CFAP46: variants seen among roughly 807,000 people sequenced by gnomAD.
CFAP46 encodes the protein cilia and flagella associated protein 46, also known as cilia- and flagella-associated protein 46.
In CFAP46, 245 loss-of-function variants were observed where a neutral mutation model predicts 325.7. The observed-to-expected ratio is 0.75, with a 90% CI of 0.68 to 0.84. CFAP46 has a LOEUF of 0.84. CFAP46 is among the 40% of genes least tolerant of loss of function. The pLI is 0.00. For synonymous variants in CFAP46, 1,523 were observed against 1,495.9 expected (o/e 1.02, Z -0.42); for missense variants, 3,346 against 3,543.0 (o/e 0.94, Z 1.41).
At position 132,899,081 on chromosome 10, in the gene CFAP46, C is replaced by A; in HGVS notation, c.3097G>T (p.Ala1033Ser). 1 of 1,549,742 alleles carries A rather than the reference C, an allele frequency of 6.5e-7. No homozygotes were observed. Among genetic ancestry groups the A allele is most frequent in the Non-Finnish European group, 8.7e-7 (1 of 1,146,606 alleles). ...CAGGCGTTCCAGTAATGCCGCGCGG[C>A]CAGCATCACCAGGGCGCTGCTGCCC... ...IAGSSALVML[A>S]ARHYWNAWLP... is the part of the protein sequence containing the mutation. The change falls in exon 24 of 58, where the codon GCC (alanine) becomes TCC (serine). Residue 1033 changes from alanine (A) to serine (S), a missense_variant. By Grantham distance (99) the Ala-to-Ser change is moderately conservative. Coordinates refer to ENST00000368586, the MANE Select transcript of CFAP46 (RefSeq NM_001200049.3).
chr10:132,821,247 TGTGCTGTGTGAGC>T (rs1847812207), intron 50 of CFAP46, among the ~76,000 whole-genome samples: 1 of 136,140 alleles, frequency 7.3e-6, no homozygotes. Context: ...GTGCTGTGTG[TGTGCTGTGTGAGC>T]GCTGATGTGT....
intron 17 of CFAP46, among the ~76,000 whole-genome samples, chr10:132,915,689 AC>A (rs1235489443): frequency 6.6e-6 from 1 of 152,250 alleles, no homozygotes; most frequent in Non-Finnish European, 1.5e-5. Flanking sequence ...ACCCGAGCTT[AC>A]CACGTTCGTG....
intron 35 of CFAP46, 104 bp from the exon 36 acceptor site, chr10:132,861,086 G>A (rs1591059606): frequency 8.8e-7 from 1 of 1,133,352 alleles, no homozygotes; most frequent in African/African-American, 1.5e-5. Context: ...GAGAGGCAGA[G>A]ACAGACAGAC....
chr10:132,902,757 C>T (rs1849408452), intron 22 of CFAP46, among the ~76,000 whole-genome samples: 1 of 152,170 alleles, frequency 6.6e-6, no homozygotes, highest in Non-Finnish European at 1.5e-5. Context: ...GGATTGTGTC[C>T]ACTTCCTTTA....
chr10:132,936,079 C>A (rs529601095), intron 7 of CFAP46, among the ~76,000 whole-genome samples: 2 of 57,716 alleles, frequency 3.5e-5, no homozygotes, highest in South Asian at 9.8e-4. Flanking sequence ...TCACTCCCCT[C>A]GGCATCCAAA....
At chr10:132,921,929 C>T (rs756577823) in intron 13 of CFAP46, among the ~76,000 whole-genome samples, 175 bp downstream of exon 13, 2 of 152,244 alleles carry the variant, frequency 1.3e-5, no homozygotes, top group African/African-American at 2.4e-5. Flanking sequence ...AGAAGACCGT[C>T]GCTGGGCTTT....
In CFAP46 at chr10:132,880,954, C is replaced by T; in HGVS notation, c.3706G>A (p.Glu1236Lys). The change falls in exon 28 of 58, where the codon GAG becomes AAG. Residue 1236 changes from glutamate (E) to lysine (K), a missense_variant. By Grantham distance (56) the Glu-to-Lys change is moderately conservative. Transcript: ENST00000368586. ...CAGCGGAGGTGGAAGACCACGTCCT[C>T]GAGAGGAAAGTGTCTGTGATGGAGC... ...QWLHHRHFPL[E>K]DVVFHLRWAV... 4 of 1,550,462 alleles carry T rather than the reference C, an allele frequency of 2.6e-6. No individual in the cohort carries two copies. Among genetic ancestry groups the T allele is most frequent in the African/African-American group, 1.4e-5 (1 of 73,152 alleles).
rs1170881280 is a variant in CFAP46, at chr10:132,908,517, C to T, written c.2875G>A (p.Ala959Thr). 2.6e-6 allele frequency: 4 copies of T among 1,550,570 alleles called. No homozygotes were observed. Among genetic ancestry groups the T allele is most frequent in the South Asian group, 1.2e-5 (1 of 84,066 alleles). The change falls in exon 22 of 58, where the codon GCT becomes ACT. Residue 959 changes from alanine to threonine, a missense_variant. Coordinates refer to ENST00000368586, the MANE Select transcript of CFAP46 (RefSeq NM_001200049.3). The stretch of plus-strand genomic sequence containing the variant: ...ATGCCCATCTCCAGAGCCCTGTGAG[C>T]ACAGGCCATGGTGGTCTCATGGTCA... ...ARDHETTMACAHRALEMGIKY... is the reference protein window; with the variant it reads ...ARDHETTMACTHRALEMGIKY...
At chr10:132,872,648 C>T in intron 32 of CFAP46, 28 bp downstream of exon 32, 1 of 1,550,394 alleles carries the variant, frequency 6.4e-7, no homozygotes, top group South Asian at 1.2e-5. Flanking sequence ...TTGGGGAAAT[C>T]ACACTCCGAA....
At chr10:132,907,918 G>C (rs1396904667) in intron 22 of CFAP46, among the ~76,000 whole-genome samples, 1 of 152,244 alleles carries the variant, frequency 6.6e-6, no homozygotes, top group Admixed American at 6.5e-5. Flanking sequence ...GCCACACCTC[G>C]ATGGCACTTC....
At chr10:132,899,456 G>A (rs2135479204) in intron 23 of CFAP46, 79 bp downstream of exon 23, 1 of 1,458,180 alleles carries the variant, frequency 6.9e-7, no homozygotes, top group East Asian at 2.5e-5. Flanking sequence ...CACAGGATGG[G>A]CCACAGCCTT....
At chr10:132,911,353 G>A (rs1287001738) in intron 19 of CFAP46, among the ~76,000 whole-genome samples, 6 of 152,228 alleles carry the variant, frequency 3.9e-5, no homozygotes, top group African/African-American at 7.2e-5. Context: ...GTGCCGGGCC[G>A]CAGGCTCAAG....
rs771680261 is a variant in CFAP46, at chr10:132,834,030, G to A, written c.6949+11C>T. On this transcript the variant is annotated intron_variant, in intron 49 of 57. Transcript: ENST00000368586. ...CTCCCCAGGCTGAGTGGCCACGCCC[G>A]CCCCACTCACTGTGTTGTCCTGTGG... 110 of 1,612,242 alleles carry A rather than the reference G, an allele frequency of 6.8e-5. No homozygotes were observed. The highest frequency in any genetic ancestry group is 8.1e-5 in the Non-Finnish European group (96 of 1,178,626).
intron 50 of CFAP46, among the ~76,000 whole-genome samples, chr10:132,821,552 C>A (rs539227027): frequency 0.013 from 1,404 of 110,016 alleles, no homozygotes; most frequent in Non-Finnish European, 0.017. Context: ...GTGCTGTGTG[C>A]TGACGTGTGC....
rs1037681098 is a variant in CFAP46 at position 132,885,262 on chromosome 10, G to A, written c.3468C>T (p.Ile1156=). Residue 1156 remains isoleucine (I), a synonymous_variant, in exon 27 of 58, where the codon ATC becomes ATT. Coordinates refer to ENST00000368586, the MANE Select transcript of CFAP46 (RefSeq NM_001200049.3). ...AATTCTGCCCGAGCTTGGCCTTCAC[G>A]ATGACCATGTGCTTGAAGATCAAGC... ...HRLLIFKHMV[I]VKAKLGQNFS... The A allele has an allele frequency of 7.1e-6, 11 of 1,549,372 alleles. No individual in the cohort carries two copies. The highest frequency in any genetic ancestry group is 1.4e-5 in the African/African-American group (1 of 73,006).
At chr10:132,922,760 G>T in intron 11 of CFAP46, 52 bp from the exon 12 acceptor site, 1 of 1,427,526 alleles carries the variant, frequency 7.0e-7, no homozygotes. Flanking sequence ...GCCTCTGTCA[G>T]GCTGGGGTCA....
chr10:132,941,572 G>A lies in CFAP46; in HGVS notation c.306+19C>T, dbSNP rs763327323. ...GAAAATTGAACTGTTGGGGATAAGG[G>A]GCACAGGACGCCTCTCACCAGGTTT... On this transcript the variant is annotated intron_variant, in intron 3 of 57. Transcript: ENST00000368586. The A allele has an allele frequency of 4.4e-6, 7 of 1,607,576 alleles. No homozygotes were observed. In the Admixed American group the frequency reaches 1.0e-4, roughly 23 times the overall value.
chr10:132,823,555 T>C (rs1847944159), intron 50 of CFAP46, among the ~76,000 whole-genome samples: 1 of 90,494 alleles, frequency 1.1e-5, no homozygotes, highest in Non-Finnish European at 2.2e-5. Context: ...TGTGTGCTGA[T>C]GTGTGCTGAT....
chr10:132,884,917 C>T lies in CFAP46; in HGVS notation c.3627+186G>A, dbSNP rs536897840. Among the ~76,000 whole-genome samples the T allele has an allele frequency of 6.6e-6, 1 of 152,326 alleles. No individual in the cohort carries two copies. Among genetic ancestry groups the T allele is most frequent in the South Asian group, 2.1e-4 (1 of 4,826 alleles). The stretch of plus-strand genomic sequence containing the variant: ...AAGGGACCACTGAAACCAGCTCCAT[C>T]CCTCGTCCCTGACTGGTCAGCAAGA... On this transcript the variant is annotated intron_variant, in intron 27 of 57. Coordinates refer to ENST00000368586, the MANE Select transcript of CFAP46 (RefSeq NM_001200049.3). This position sits in a 1 kb window ranked among gnomAD's most constrained non-coding sequence, Gnocchi z 5.4.
Sources: gnomAD v4.1 joint callset for allele counts (sites outside exome capture counted in the v4.1 genomes callset) on GRCh38, gnomAD v4.1.1 for gene constraint, Gnocchi (gnomAD v3.1) non-coding constraint, MANE v1.5 for transcripts, NCBI Gene and HGNC (gene_info 2026-07-23, HGNC 2026-07-21) for gene names.